NPAS3: variants seen among roughly 807,000 people sequenced by gnomAD.
NPAS3 encodes the protein neuronal PAS domain protein 3.
Under a neutral mutation model 73.1 loss-of-function variants are expected in NPAS3, and 14 were observed. The observed-to-expected ratio is 0.19, with a 90% CI of 0.13 to 0.30. The LOEUF is 0.30. Among genes scored for constraint, NPAS3 ranks in the 10% least tolerant of loss-of-function variants. The pLI is 1.00. For synonymous variants in NPAS3, 620 were observed against 541.5 expected, an observed-to-expected ratio of 1.14 and a Z score of -2.01; for missense variants, 1,096 against 1,250.0, an observed-to-expected ratio of 0.88 and a Z score of 1.86.
At chr14:33,510,086 C>T (rs1170263214) in intron 4 of NPAS3, among the ~76,000 whole-genome samples, 1 of 152,044 alleles carries the variant, frequency 6.6e-6, no homozygotes, top group Non-Finnish European at 1.5e-5. Flanking sequence ...AGGACATGCT[C>T]CTCCATAACG....
At chr14:33,396,909 T>G (rs896380275) in intron 4 of NPAS3, among the ~76,000 whole-genome samples, 3 of 152,202 alleles carry the variant, frequency 2.0e-5, no homozygotes, top group South Asian at 2.1e-4. Flanking sequence ...TTATAACATA[T>G]AAACATATTC....
At position 33,439,159 on chromosome 14, in the gene NPAS3, A is replaced by C. The variant is rs1355929232; in HGVS notation, c.468+71891A>C. On this transcript the variant is annotated intron_variant, in intron 4 of 11. Coordinates refer to ENST00000356141, the Ensembl canonical transcript of NPAS3. ...GTTTTTCTAATACATCTTCACTATA[A>C]TTTTGTGAAGTAAATAGGACATTTA... Among the ~76,000 whole-genome samples the C allele has an allele frequency of 2.0e-5, 3 of 152,174 alleles. No homozygotes were observed. The East Asian group carries it at 5.8e-4, about 29-fold the overall frequency.
chr14:33,335,223 G>A (rs144305546), intron 3 of NPAS3, among the ~76,000 whole-genome samples: 241 of 152,204 alleles, frequency 1.6e-3, no homozygotes, highest in African/African-American at 5.4e-3. Context: ...ACCTAGAAGT[G>A]GGAGAGTCCT....
intron 3 of NPAS3, among the ~76,000 whole-genome samples, chr14:33,269,053 T>A (rs2040953881): frequency 6.6e-6 from 1 of 152,184 alleles, no homozygotes; most frequent in South Asian, 2.1e-4. Flanking sequence ...TTTCCCCGAT[T>A]TCCAGGCAAG....
At chr14:33,043,031 G>A (rs1039612823) in intron 1 of NPAS3, among the ~76,000 whole-genome samples, 2 of 152,108 alleles carry the variant, frequency 1.3e-5, no homozygotes, top group Non-Finnish European at 2.9e-5. Flanking sequence ...TGTAGTTTTA[G>A]TTGAATGTAA....
intron 2 of NPAS3, among the ~76,000 whole-genome samples, chr14:33,165,875 CTG>C (rs2045120172): frequency 6.6e-6 from 1 of 152,160 alleles, no homozygotes; most frequent in African/African-American, 2.4e-5. Flanking sequence ...GGTTTGATTT[CTG>C]TGTTCTGTCC....
intron 2 of NPAS3, among the ~76,000 whole-genome samples, chr14:33,199,083 G>C (rs1023024572): frequency 6.6e-6 from 1 of 152,150 alleles, no homozygotes; most frequent in Non-Finnish European, 1.5e-5. Context: ...GCTGGCCTGC[G>C]AGCTCCGTGT....
chr14:33,534,240 T>G (rs2054165367), intron 4 of NPAS3, among the ~76,000 whole-genome samples: 1 of 151,666 alleles, frequency 6.6e-6, no homozygotes, highest in Non-Finnish European at 1.5e-5. Context: ...AAAAAACTCC[T>G]TATGTCAGTA....
intron 4 of NPAS3, among the ~76,000 whole-genome samples, chr14:33,380,237 G>A: frequency 6.6e-6 from 1 of 151,864 alleles, no homozygotes; most frequent in Non-Finnish European, 1.5e-5. Context: ...GTTTATGAAT[G>A]GTTTTCTTCT....
intron 3 of NPAS3, among the ~76,000 whole-genome samples, chr14:33,336,128 T>C (rs531197009): frequency 1.3e-5 from 2 of 152,368 alleles, no homozygotes; most frequent in East Asian, 3.9e-4. Flanking sequence ...TGTACTGTTA[T>C]CTCATTATGG....
chr14:33,666,380 C>T (rs2059450874), intron 5 of NPAS3, among the ~76,000 whole-genome samples: 1 of 152,180 alleles, frequency 6.6e-6, no homozygotes, highest in Non-Finnish European at 1.5e-5. Flanking sequence ...GTTACTGTCC[C>T]AGATGCTTTT....
At chr14:33,632,578 C>T (rs763627906) in intron 5 of NPAS3, among the ~76,000 whole-genome samples, 10 of 152,172 alleles carry the variant, frequency 6.6e-5, no homozygotes, top group South Asian at 2.1e-4. Context: ...GTTCCACTTG[C>T]CATCCTTGCC....
intron 7 of NPAS3, 50 bp from the exon 8 acceptor site, chr14:33,774,287 A>T (rs1204399525): frequency 6.9e-7 from 1 of 1,447,544 alleles, no homozygotes; most frequent in Non-Finnish European, 9.6e-7. Flanking sequence ...ATGCTGTTAT[A>T]TCTGGGATGT....
In NPAS3 at chr14:33,672,704, A is replaced by G. The variant is rs954900538; in HGVS notation, c.559-3507A>G. On this transcript the variant is annotated intron_variant, in intron 5 of 11. Transcript: ENST00000356141. ...CCTGGTGAGTACCCATAAGAGAGAA[A>G]AAAAAAAAAAAATCAGACAAGGGTT... Among the ~76,000 whole-genome samples, 314 of 60,756 alleles carry G rather than the reference A, an allele frequency of 5.2e-3. 3 individuals are homozygous for G. The highest frequency in any genetic ancestry group is 0.028 in the African/African-American group (280 of 9,936). 39.9% of individuals were successfully genotyped at this position (60,756 alleles called of 152,430 possible).
At chr14:33,179,123 T>G (rs1019574873) in intron 2 of NPAS3, among the ~76,000 whole-genome samples, 4 of 152,214 alleles carry the variant, frequency 2.6e-5, no homozygotes, top group Admixed American at 6.5e-5. Flanking sequence ...ATTACATTTT[T>G]GAAGCACCTT....
chr14:33,597,744 G>A (rs2057287389), intron 5 of NPAS3, among the ~76,000 whole-genome samples: 1 of 152,234 alleles, frequency 6.6e-6, no homozygotes, highest in Non-Finnish European at 1.5e-5. Context: ...GCACTGGCCT[G>A]TCCACCTAGA....
intron 4 of NPAS3, among the ~76,000 whole-genome samples, chr14:33,448,250 G>A (rs1594927858): frequency 6.6e-6 from 1 of 152,136 alleles, no homozygotes; most frequent in Non-Finnish European, 1.5e-5. Flanking sequence ...TCATGCACTT[G>A]GATGAGATCC....
chr14:33,240,839 G>GT (rs771980411), intron 3 of NPAS3, among the ~76,000 whole-genome samples: 1 of 151,882 alleles, frequency 6.6e-6, no homozygotes, highest in Non-Finnish European at 1.5e-5. Flanking sequence ...CATTTTAAAA[G>GT]TTTTTTCTGT....
chr14:33,654,723 G>C (rs1188490859), intron 5 of NPAS3, among the ~76,000 whole-genome samples: 1 of 152,188 alleles, frequency 6.6e-6, no homozygotes, highest in Non-Finnish European at 1.5e-5. Flanking sequence ...TATATCCCAA[G>C]TGATTTCTAT....
Sources: allele counts gnomAD v4.1 joint callset (sites outside exome capture counted in the v4.1 genomes callset), GRCh38; gene constraint gnomAD v4.1.1; transcripts MANE v1.5; gene names NCBI Gene and HGNC (gene_info 2026-07-23, HGNC 2026-07-21).